PDGFRB: variants seen among roughly 807,000 people sequenced by gnomAD.
PDGFRB encodes the protein platelet derived growth factor receptor beta.
PDGFRB carries 42 observed loss-of-function variants against 120.2 expected under a neutral mutation model. The ratio of observed to expected loss-of-function variants is 0.35; its 90% CI spans 0.27 to 0.45. The LOEUF (loss-of-function observed/expected upper bound fraction) is 0.45, where lower values mean the gene tolerates loss of function less well. Ranked by LOEUF, PDGFRB falls within the 20% of genes least tolerant of loss-of-function variation. The pLI, the probability that PDGFRB is intolerant of heterozygous loss-of-function variation, is 1.00. For synonymous variants in PDGFRB, 586 were observed against 606.8 expected, an observed-to-expected ratio of 0.97 and a Z score of 0.50; for missense variants, 1,149 against 1,476.3, an observed-to-expected ratio of 0.78 and a Z score of 3.63.
Position 150,121,862 on chromosome 5 carries a change from G to A in PDGFRB, c.2344+18C>T, listed in dbSNP as rs760604614. The A allele has an allele frequency of 1.9e-6, 3 of 1,592,254 alleles. No individual in the cohort carries two copies. In the African/African-American group the frequency reaches 4.0e-5, roughly 21 times the overall value. On this transcript the variant is annotated intron_variant, in intron 16 of 22. Coordinates refer to ENST00000261799, the MANE Select transcript of PDGFRB (RefSeq NM_002609.4). This position sits in a 1 kb window ranked among gnomAD's most constrained non-coding sequence, Gnocchi z 4.1. ...AGCCTGTTTGGATGTGGGGTACTAT[G>A]TCACTATGTCCACCCACCAGAGGGA...
At chr5:150,119,708 C>T in intron 19 of PDGFRB, 142 bp from the exon 20 acceptor site, 2 of 637,036 alleles carry the variant, frequency 3.1e-6, no homozygotes, top group Non-Finnish European at 2.8e-6. Context: ...ACTGTGGGCT[C>T]CTTCATGGGC....
intron 10 of PDGFRB, 50 bp downstream of exon 10, chr5:150,129,707 A>T (rs1864972): frequency 6.7e-7 from 1 of 1,488,444 alleles, no homozygotes; most frequent in Non-Finnish European, 9.3e-7. Context: ...ATTAGGCAGG[A>T]TTAAGGTAGG....
At chr5:150,137,929 A>G (rs1760683359) in intron 1 of PDGFRB, among the ~76,000 whole-genome samples, 1 of 152,246 alleles carries the variant, frequency 6.6e-6, no homozygotes, top group Non-Finnish European at 1.5e-5. Flanking sequence ...CCAGAGAGAC[A>G]GCACCAGAGG....
chr5:150,121,151 G>A lies in PDGFRB; in HGVS notation c.2463+53C>T. The A allele has an allele frequency of 7.5e-7, 1 of 1,325,068 alleles. No homozygotes were observed. Among genetic ancestry groups the A allele is most frequent in the Non-Finnish European group, 1.1e-6 (1 of 916,532 alleles). The allele number at this position is 1,325,068 out of a possible 1,614,324, so 82.1% of individuals were successfully genotyped here. A position where few individuals can be genotyped will look rare whatever the true frequency, so the allele number is the denominator to read the frequency against. On this transcript the variant is annotated intron_variant, in intron 17 of 22. Coordinates refer to ENST00000261799, the MANE Select transcript of PDGFRB (RefSeq NM_002609.4). The surrounding 1 kb of genome is among the most constrained non-coding windows in gnomAD (Gnocchi z 4.1). Reference sequence around the variant, plus strand: ...TGCTCTTGGAGGATGCTGGCTGGCTGGGTGACCCACCTCCCCACAGCCCCC... The same window carrying A: ...TGCTCTTGGAGGATGCTGGCTGGCTAGGTGACCCACCTCCCCACAGCCCCC...
At position 150,117,918 on chromosome 5, in the gene PDGFRB, C is replaced by G; in HGVS notation, c.2905-68G>C. ...GGCCAGAAATGCCTTCAGGGATCTT[C>G]TAACCGAGCCCATCCCCCTTTGTAT... On this transcript the variant is annotated intron_variant, in intron 21 of 22. Transcript: ENST00000261799. 4.7e-6 allele frequency: 4 copies of G among 845,636 alleles called. No individual in the cohort carries two copies. The South Asian group carries it at 4.7e-5, about 10-fold the overall frequency. 52.4% of individuals were successfully genotyped at this position (845,636 alleles called of 1,614,324 possible).
intron 22 of PDGFRB, among the ~76,000 whole-genome samples, chr5:150,117,414 C>G (rs928589660): frequency 6.6e-6 from 1 of 152,186 alleles, no homozygotes; most frequent in East Asian, 1.9e-4. Flanking sequence ...TTTTTACTAG[C>G]CTGCCCTTTC....
In PDGFRB at chr5:150,121,925, C is replaced by T. The variant is rs771923448; in HGVS notation, c.2299G>A (p.Glu767Lys). The change falls in exon 16 of 23, where the codon GAG (glutamate) becomes AAG (lysine). Residue 767 changes from glutamate to lysine, a missense_variant. Glu to Lys is a moderately conservative substitution (Grantham distance 56). Transcript: ENST00000261799. The surrounding 1 kb of genome is among the most constrained non-coding windows in gnomAD (Gnocchi z 4.1). ...MKGDVKYADIESSNYMAPYDN... is the reference protein window; with the variant it reads ...MKGDVKYADIKSSNYMAPYDN... ...TAAGGGGCCATGTAGTTGGAGGACTCGATGTCTGCATATTTGACGTCTCCT... is the reference window on the plus strand; with the variant it reads ...TAAGGGGCCATGTAGTTGGAGGACTTGATGTCTGCATATTTGACGTCTCCT... 9 of 1,613,492 alleles carry T rather than the reference C, an allele frequency of 5.6e-6. No individual in the cohort carries two copies. The highest frequency in any genetic ancestry group is 6.8e-6 in the Non-Finnish European group (8 of 1,179,556).
intron 1 of PDGFRB, among the ~76,000 whole-genome samples, chr5:150,143,374 C>G (rs752741563): frequency 9.2e-5 from 14 of 152,176 alleles, no homozygotes; most frequent in Non-Finnish European, 1.9e-4. Context: ...CTTGGGAGCA[C>G]TTTCAGGGCT....
chr5:150,126,211 C>T (rs935000835), intron 11 of PDGFRB, among the ~76,000 whole-genome samples: 1 of 152,186 alleles, frequency 6.6e-6, no homozygotes, highest in Non-Finnish European at 1.5e-5. Context: ...TCCTGGAGCC[C>T]ATGCAGTCCA....
At chr5:150,117,922 C>A in intron 21 of PDGFRB, 72 bp from the exon 22 acceptor site, 1 of 805,396 alleles carries the variant, frequency 1.2e-6, no homozygotes, top group African/African-American at 1.7e-5. Context: ...GATCTTCTAA[C>A]CGAGCCCATC....
chr5:150,120,606 C>T lies in PDGFRB; in HGVS notation c.2586+282G>A, dbSNP rs946111710. Among the ~76,000 whole-genome samples, 3 of 152,220 alleles carry T rather than the reference C, an allele frequency of 2.0e-5. No individual in the cohort carries two copies. The highest frequency in any genetic ancestry group is 7.2e-5 in the African/African-American group (3 of 41,458). Reference sequence around the variant, plus strand: ...CTGGGCTTCTTCCTCTGCCCACCACCACTGGAACAACACATTCGGCCTGTT... The same window carrying T: ...CTGGGCTTCTTCCTCTGCCCACCACTACTGGAACAACACATTCGGCCTGTT... On this transcript the variant is annotated intron_variant, in intron 18 of 22. Coordinates refer to ENST00000261799, the MANE Select transcript of PDGFRB (RefSeq NM_002609.4). The surrounding 1 kb of genome is among the most constrained non-coding windows in gnomAD (Gnocchi z 4.3).
intron 10 of PDGFRB, among the ~76,000 whole-genome samples, chr5:150,129,322 G>T: frequency 6.6e-6 from 1 of 152,116 alleles, no homozygotes; most frequent in East Asian, 1.9e-4. Context: ...CACGTGGTGG[G>T]TTTACATACA....
Position 150,120,105 on chromosome 5 carries a change from A to G in PDGFRB, c.2605T>C (p.Trp869Arg). 6.3e-7 allele frequency: 1 copy of G among 1,584,300 alleles called. No homozygotes were observed. Among genetic ancestry groups the G allele is most frequent in the East Asian group, 2.2e-5 (1 of 44,750 alleles). ...TTGAAGATGCTCTCCGGAGCCATCC[A>G]CTTTAAAGGCAAAAAGGTCTGTAGG... ...SKGSTFLPLKWMAPESIFNSL... is the reference protein window; with the variant it reads ...SKGSTFLPLKRMAPESIFNSL... The change falls in exon 19 of 23, where the codon TGG becomes CGG. Residue 869 changes from tryptophan (W) to arginine (R), a missense_variant. Coordinates refer to ENST00000261799, the MANE Select transcript of PDGFRB (RefSeq NM_002609.4). This position sits in a 1 kb window ranked among gnomAD's most constrained non-coding sequence, Gnocchi z 4.3.
rs1158567085 is a variant in PDGFRB, at chr5:150,134,919, T to C, written c.462A>G (p.Pro154=). ...EITIPCRVTD[P]QLVVTLHEKK... The stretch of plus-strand genomic sequence containing the variant: ...TCTCGTGCAGTGTCACCACCAGCTG[T>C]GGGTCTGTTACTCGGCATGGAATGG... The change falls in exon 4 of 23, where the codon CCA becomes CCG. Residue 154 remains proline, a synonymous_variant. Transcript: ENST00000261799. 1.9e-6 allele frequency: 3 copies of C among 1,613,750 alleles called. No individual in the cohort carries two copies. Among genetic ancestry groups the C allele is most frequent in the Non-Finnish European group, 8.5e-7 (1 of 1,179,634 alleles).
Position 150,132,230 on chromosome 5 carries a change from G to C in PDGFRB, c.1128-136C>G, listed in dbSNP as rs1760486788. On this transcript the variant is annotated intron_variant, in intron 7 of 22. Coordinates refer to ENST00000261799, the MANE Select transcript of PDGFRB (RefSeq NM_002609.4). This position sits in a 1 kb window ranked among gnomAD's most constrained non-coding sequence, Gnocchi z 5.0. The stretch of plus-strand genomic sequence containing the variant: ...CATCTCGGCATTGGTAGCAGAGCCG[G>C]GACTCAAACCAGGTCTCGTAAATCC... 1 of 612,392 alleles carries C rather than the reference G, an allele frequency of 1.6e-6. No individual in the cohort carries two copies. The allele number at this position is 612,392 out of a possible 1,614,324, so 37.9% of individuals were successfully genotyped here.
At position 150,115,857 on chromosome 5, in the gene PDGFRB, AGCTGGGGCTCTG is replaced by A. The variant is rs1759913059; in HGVS notation, c.3215_3226del (p.Pro1072_Gln1075del). 3.1e-6 allele frequency: 5 copies of A among 1,612,476 alleles called. No homozygotes were observed. The highest frequency in any genetic ancestry group is 4.2e-6 in the Non-Finnish European group (5 of 1,179,194). ...TGGCTCCGGCTCCACCTGGAGCTCAAGCTGGGGCTCTGGCTCTGGTTCGTCCTGGGGCTCCAG... is the reference window on the plus strand; with the variant it reads ...TGGCTCCGGCTCCACCTGGAGCTCAAGCTCTGGTTCGTCCTGGGGCTCCAG... On this transcript the variant is annotated inframe_deletion, in exon 23 of 23. Coordinates refer to ENST00000261799, the MANE Select transcript of PDGFRB (RefSeq NM_002609.4).
intron 21 of PDGFRB, among the ~76,000 whole-genome samples, 153 bp downstream of exon 21, chr5:150,118,594 C>T (rs2113885649): frequency 6.6e-6 from 1 of 152,312 alleles, no homozygotes; most frequent in African/African-American, 2.4e-5. Flanking sequence ...CAGCGCCAGC[C>T]CATCCCCTCC....
Position 150,115,689 on chromosome 5 carries a change from G to T in PDGFRB, c.*74C>A. ...GGCAGCCTGGCTGACAGGAAGCCCG[G>T]TCAGGCCAGGCCAGGAGATGCTGGG... On this transcript the variant is annotated 3_prime_UTR_variant, in exon 23 of 23. Coordinates refer to ENST00000261799, the MANE Select transcript of PDGFRB (RefSeq NM_002609.4). 7.1e-7 allele frequency: 1 copy of T among 1,401,880 alleles called. No homozygotes were observed. The highest frequency in any genetic ancestry group is 9.5e-7 in the Non-Finnish European group (1 of 1,049,244). The allele number at this position is 1,401,880 out of a possible 1,614,324, so 86.8% of individuals were successfully genotyped here. A position where few individuals can be genotyped will look rare whatever the true frequency, so the allele number is the denominator to read the frequency against.
chr5:150,121,374 C>T lies in PDGFRB; in HGVS notation c.2345-52G>A. ...CTATCTTATATCTCCTTCTGGCCCACAGGACCCCTGCCCTTTGGCTCCTGG... is the reference window on the plus strand; with the variant it reads ...CTATCTTATATCTCCTTCTGGCCCATAGGACCCCTGCCCTTTGGCTCCTGG... On this transcript the variant is annotated intron_variant, in intron 16 of 22. Coordinates refer to ENST00000261799, the MANE Select transcript of PDGFRB (RefSeq NM_002609.4). This position sits in a 1 kb window ranked among gnomAD's most constrained non-coding sequence, Gnocchi z 4.1. 2.3e-6 allele frequency: 2 copies of T among 869,180 alleles called. No individual in the cohort carries two copies. Among genetic ancestry groups the T allele is most frequent in the Non-Finnish European group, 4.0e-6 (2 of 499,356 alleles). 53.8% of individuals were successfully genotyped at this position (869,180 alleles called of 1,614,324 possible).
Sources: allele counts gnomAD v4.1 joint callset (sites outside exome capture counted in the v4.1 genomes callset), GRCh38; gene constraint gnomAD v4.1.1; non-coding constraint Gnocchi (gnomAD v3.1); transcripts MANE v1.5; gene names NCBI Gene and HGNC (gene_info 2026-07-23, HGNC 2026-07-21).